The following NLGN1 variants were observed in gnomAD, a reference collection of about 807,000 sequenced individuals.
The protein encoded by NLGN1 is neuroligin 1, also known as neuroligin-1.
In NLGN1, 12 loss-of-function variants were observed where a neutral mutation model predicts 65.5. The observed-to-expected ratio is 0.18, with a 90% confidence interval of 0.12 to 0.30. The LOEUF (loss-of-function observed/expected upper bound fraction) is 0.30. Ranked by LOEUF, NLGN1 falls within the 10% of genes least tolerant of loss-of-function variation. NLGN1 has a pLI of 1.00. For missense variants in NLGN1, 750 were observed against 1,007.1 expected (o/e 0.74, Z 3.46); for synonymous variants, 350 against 359.5 (o/e 0.97, Z 0.30).
chr3:174,046,398 T>TGG (rs2152496690), intron 4 of NLGN1, among the ~76,000 whole-genome samples: 1 of 152,228 alleles, frequency 6.6e-6, no homozygotes, highest in Admixed American at 6.5e-5. Flanking sequence ...TGTATTATTT[T>TGG]GTTTGTTCAC....
intron 3 of NLGN1, among the ~76,000 whole-genome samples, chr3:173,757,568 A>T (rs961831691): frequency 2.0e-5 from 3 of 152,062 alleles, no homozygotes; most frequent in African/African-American, 7.2e-5. Flanking sequence ...ATTATAGCCA[A>T]AGAAGGTGGA....
intron 3 of NLGN1, among the ~76,000 whole-genome samples, chr3:173,621,924 G>A (rs1305017321): frequency 6.6e-6 from 1 of 151,968 alleles, no homozygotes; most frequent in Non-Finnish European, 1.5e-5. Context: ...CAATATAAAG[G>A]TATAAAAAAG....
chr3:173,804,033 G>C lies in NLGN1; in HGVS notation c.494-3647G>C, dbSNP rs190895584. ...TTGTAATTTCAAACTCTGGTTGTCA[G>C]GTACAAATAAATCCCCATTAACTGC... On this transcript the variant is annotated intron_variant, in intron 3 of 6. Coordinates refer to ENST00000457714, the Ensembl canonical transcript of NLGN1. 1.4e-4 allele frequency among the ~76,000 whole-genome samples: 21 copies of C among 152,194 alleles called. No homozygotes were observed. In the East Asian group the frequency reaches 4.1e-3, roughly 29 times the overall value.
chr3:174,207,750 G>T (rs1203722641), intron 4 of NLGN1, among the ~76,000 whole-genome samples: 1 of 152,090 alleles, frequency 6.6e-6, no homozygotes, highest in African/African-American at 2.4e-5. Flanking sequence ...GTGTCTTGCT[G>T]TCTCAACAAA....
chr3:173,876,268 C>T (rs1019653084), intron 4 of NLGN1, among the ~76,000 whole-genome samples: 1 of 152,086 alleles, frequency 6.6e-6, no homozygotes, highest in East Asian at 1.9e-4. Context: ...TTAGCTTTTA[C>T]AAAATGCGTT....
At chr3:173,925,781 TTATAAA>T (rs1471720960) in intron 4 of NLGN1, among the ~76,000 whole-genome samples, 2 of 152,174 alleles carry the variant, frequency 1.3e-5, no homozygotes, top group Non-Finnish European at 2.9e-5. Context: ...GAGATAAAAA[TTATAAA>T]TATATATATT....
chr3:174,187,792 G>A (rs1418042002), intron 4 of NLGN1, among the ~76,000 whole-genome samples: 1 of 151,930 alleles, frequency 6.6e-6, no homozygotes, highest in East Asian at 1.9e-4. Flanking sequence ...AACTAGTAGA[G>A]GTTCCTGGGG....
intron 2 of NLGN1, among the ~76,000 whole-genome samples, chr3:173,549,060 CA>C (rs1002265223): frequency 6.6e-6 from 1 of 151,560 alleles, no homozygotes; most frequent in Non-Finnish European, 1.5e-5. Flanking sequence ...GCTTTCATTT[CA>C]AAAAAAATTT....
intron 4 of NLGN1, among the ~76,000 whole-genome samples, chr3:174,142,805 C>T (rs115108017): frequency 1.4e-3 from 217 of 152,208 alleles, no homozygotes; most frequent in African/African-American, 4.8e-3. Context: ...ATATTATATG[C>T]GTGTTCTTGC....
chr3:173,960,963 C>A (rs1046116480), intron 4 of NLGN1, among the ~76,000 whole-genome samples: 1 of 151,958 alleles, frequency 6.6e-6, no homozygotes, highest in Non-Finnish European at 1.5e-5. Context: ...ATTGAGATCC[C>A]TGTTTTCACA....
At chr3:173,714,405 G>A (rs1305261416) in intron 3 of NLGN1, among the ~76,000 whole-genome samples, 5 of 152,144 alleles carry the variant, frequency 3.3e-5, no homozygotes, top group Non-Finnish European at 2.9e-5. Context: ...TTCCTTAAGT[G>A]TAACTATTAT....
intron 4 of NLGN1, among the ~76,000 whole-genome samples, chr3:173,820,230 C>T (rs1720004428): frequency 6.6e-6 from 1 of 150,412 alleles, no homozygotes; most frequent in Admixed American, 6.6e-5. Flanking sequence ...TCCTTTACCT[C>T]AATACCAGTG....
intron 4 of NLGN1, among the ~76,000 whole-genome samples, chr3:173,816,981 C>A (rs1464781663): frequency 2.0e-5 from 3 of 152,222 alleles, no homozygotes; most frequent in Non-Finnish European, 4.4e-5. Context: ...TGGTATTGTT[C>A]ATTTTGTTAT....
intron 4 of NLGN1, among the ~76,000 whole-genome samples, chr3:174,080,922 GGTGTGT>G (rs571057944): frequency 2.7e-4 from 38 of 141,266 alleles, no homozygotes; most frequent in African/African-American, 7.7e-4. Flanking sequence ...TGACATTCCT[GGTGTGT>G]GTGTGTGTGT....
chr3:173,843,305 G>A (rs1008368248), intron 4 of NLGN1, among the ~76,000 whole-genome samples: 2 of 151,946 alleles, frequency 1.3e-5, no homozygotes, highest in African/African-American at 2.4e-5. Context: ...GACGTGCCCC[G>A]AAGACATTTT....
At chr3:173,720,622 G>T (rs1227904997) in intron 3 of NLGN1, among the ~76,000 whole-genome samples, 1 of 152,088 alleles carries the variant, frequency 6.6e-6, no homozygotes, top group East Asian at 1.9e-4. Flanking sequence ...TTCCACTGAG[G>T]AGAAAACACA....
At chr3:173,929,017 G>A (rs930596356) in intron 4 of NLGN1, among the ~76,000 whole-genome samples, 9 of 152,078 alleles carry the variant, frequency 5.9e-5, no homozygotes, top group Non-Finnish European at 8.8e-5. Context: ...AGGAAAGGTC[G>A]ATTATTATAA....
At chr3:173,608,076 G>A (rs1410374188) in intron 3 of NLGN1, among the ~76,000 whole-genome samples, 1 of 151,754 alleles carries the variant, frequency 6.6e-6, no homozygotes, top group Admixed American at 6.6e-5. Flanking sequence ...TTTACAAAGA[G>A]CAAAGTATTT....
chr3:174,236,396 T>A (rs1741720356), intron 4 of NLGN1, among the ~76,000 whole-genome samples: 1 of 152,086 alleles, frequency 6.6e-6, no homozygotes, highest in Non-Finnish European at 1.5e-5. Context: ...CCTTTTATTA[T>A]TAATATTTAA....
Sources: gnomAD v4.1 joint callset for allele counts (sites outside exome capture counted in the v4.1 genomes callset) on GRCh38, gnomAD v4.1.1 for gene constraint, MANE v1.5 for transcripts, NCBI Gene and HGNC (gene_info 2026-07-23, HGNC 2026-07-21) for gene names.